UNC79: variants seen among roughly 807,000 people sequenced by gnomAD.
UNC79 encodes unc-79 subunit of NALCN channel complex.
In UNC79, 37 loss-of-function variants were observed where a neutral mutation model predicts 283.1. The observed-to-expected ratio is 0.13, with a 90% CI of 0.10 to 0.17. UNC79 has a LOEUF of 0.17. Among genes scored for constraint, UNC79 ranks in the 10% least tolerant of loss-of-function variants. The pLI is 1.00. For synonymous variants in UNC79, 1,107 were observed against 1,200.2 expected (o/e 0.92, Z 1.61); for missense variants, 2,272 against 3,211.1 (o/e 0.71, Z 7.07).
intron 5 of UNC79, among the ~76,000 whole-genome samples, chr14:93,494,492 C>T (rs2058925748): frequency 6.6e-6 from 1 of 152,156 alleles, no homozygotes. Flanking sequence ...ATCTTTGAGA[C>T]ACCTAATAGG....
chr14:93,650,428 A>T (rs1382791964), intron 35 of UNC79, among the ~76,000 whole-genome samples: 2 of 152,198 alleles, frequency 1.3e-5, no homozygotes, highest in African/African-American at 2.4e-5. Flanking sequence ...ATTACCAATC[A>T]TCAATGTATT....
intron 41 of UNC79, among the ~76,000 whole-genome samples, 185 bp downstream of exon 44, chr14:93,673,640 C>G (rs2073082589): frequency 6.6e-6 from 1 of 151,878 alleles, no homozygotes; most frequent in African/African-American, 2.4e-5. Flanking sequence ...CTAAAAAAGT[C>G]CAAGAAGGAG....
At chr14:93,419,473 C>A (rs1271728521) in intron 1 of UNC79, among the ~76,000 whole-genome samples, 2 of 151,558 alleles carry the variant, frequency 1.3e-5, no homozygotes, top group Admixed American at 1.3e-4. Flanking sequence ...AGCCCGTAAA[C>A]CACTCTTAAT....
At chr14:93,393,327 TA>T (rs1001518522) in intron 1 of UNC79, among the ~76,000 whole-genome samples, 3 of 152,224 alleles carry the variant, frequency 2.0e-5, no homozygotes, top group Non-Finnish European at 4.4e-5. Flanking sequence ...GTTCTTGAAT[TA>T]ATCTAAGACT....
chr14:93,608,129 G>A (rs1211586906), intron 26 of UNC79, among the ~76,000 whole-genome samples: 1 of 152,148 alleles, frequency 6.6e-6, no homozygotes, highest in African/African-American at 2.4e-5. Flanking sequence ...CGAGTAGCTT[G>A]GATCAGAGGT....
chr14:93,574,709 G>C (rs998097639), intron 16 of UNC79, among the ~76,000 whole-genome samples: 12 of 152,148 alleles, frequency 7.9e-5, no homozygotes, highest in African/African-American at 2.2e-4. Flanking sequence ...ATTGAGATCA[G>C]AGTGGGGATG....
chr14:93,381,994 A>G (rs1195261905), intron 1 of UNC79, among the ~76,000 whole-genome samples: 1 of 152,196 alleles, frequency 6.6e-6, no homozygotes, highest in Non-Finnish European at 1.5e-5. Context: ...AAGACCAACC[A>G]TGCTGCCTTT....
chr14:93,617,808 C>T lies in UNC79; in HGVS notation c.4225-384C>T, dbSNP rs540102998. Among the ~76,000 whole-genome samples, 3 of 152,072 alleles carry T rather than the reference C, an allele frequency of 2.0e-5. No homozygotes were observed. The highest frequency in any genetic ancestry group is 6.6e-5 in the Admixed American group (1 of 15,264). ...TGTAATCCCAGCACTTATGGGAGGC[C>T]GAGGTGGGTAGGTTGCCTGACTCCG... On this transcript the variant is annotated intron_variant, in intron 28 of 48. Transcript: ENST00000555664. The surrounding 1 kb of genome is among the most constrained non-coding windows in gnomAD (Gnocchi z 4.5).
In UNC79 at chr14:93,506,237, T is replaced by G. The variant is rs1302249297; in HGVS notation, c.898+8951T>G. ...TCATTGTATACAATTTTTTTTTTTT[T>G]TTGAGATGTAGTTTCGCTCTTGTCA... On this transcript the variant is annotated intron_variant, in intron 7 of 48. Transcript: ENST00000555664. Among the ~76,000 whole-genome samples, 2 of 151,936 alleles carry G rather than the reference T, an allele frequency of 1.3e-5. 1 individual carries two copies. Among genetic ancestry groups the G allele is most frequent in the Non-Finnish European group, 2.9e-5 (2 of 67,978 alleles).
At chr14:93,600,369 T>C (rs956609173) in intron 24 of UNC79, among the ~76,000 whole-genome samples, 200 bp from the exon 25 acceptor site, 1 of 152,204 alleles carries the variant, frequency 6.6e-6, no homozygotes, top group African/African-American at 2.4e-5. Context: ...ACAAGGAAGA[T>C]AAATTCCTCT....
At chr14:93,484,779 A>G (rs2058328316) in intron 4 of UNC79, among the ~76,000 whole-genome samples, 1 of 152,258 alleles carries the variant, frequency 6.6e-6, no homozygotes, top group African/African-American at 2.4e-5. Context: ...TTATTAAATT[A>G]GAATTGCAAT....
intron 14 of UNC79, among the ~76,000 whole-genome samples, chr14:93,555,926 T>G (rs1216561155): frequency 6.6e-6 from 1 of 152,078 alleles, no homozygotes; most frequent in Non-Finnish European, 1.5e-5. Flanking sequence ...CCCTTACATG[T>G]GGAGATTTCT....
intron 1 of UNC79, among the ~76,000 whole-genome samples, chr14:93,444,167 G>A (rs2056396645): frequency 6.6e-6 from 1 of 152,036 alleles, no homozygotes; most frequent in Admixed American, 6.6e-5. Flanking sequence ...GGTATCTTGT[G>A]GTTTTAATTA....
chr14:93,696,845 A>C (rs2075166661), intron 47 of UNC79, among the ~76,000 whole-genome samples: 1 of 152,206 alleles, frequency 6.6e-6, no homozygotes, highest in Admixed American at 6.5e-5. Flanking sequence ...TGCCTAGCCC[A>C]AAAATAATAA....
chr14:93,540,021 C>G (rs988172202), intron 12 of UNC79, among the ~76,000 whole-genome samples: 1 of 152,060 alleles, frequency 6.6e-6, no homozygotes, highest in Admixed American at 6.5e-5. Flanking sequence ...GGGTAGATGA[C>G]CAGATATCAA....
chr14:93,707,178 AG>A (rs1395410955), downstream of UNC79: 10 of 358,934 alleles, frequency 2.8e-5, no homozygotes, highest in Non-Finnish European at 4.5e-5. Context: ...ATTTTTTTTA[AG>A]AAAAAAAAAT....
intron 1 of UNC79, among the ~76,000 whole-genome samples, chr14:93,403,733 C>G (rs2055158299): frequency 6.6e-6 from 1 of 151,928 alleles, no homozygotes. Flanking sequence ...TTATCAACCA[C>G]AAGAAGAAGC....
chr14:93,421,947 A>G (rs1287338474), intron 1 of UNC79, among the ~76,000 whole-genome samples: 1 of 151,848 alleles, frequency 6.6e-6, no homozygotes, highest in Non-Finnish European at 1.5e-5. Context: ...AGCATTTGAT[A>G]AAATTCAACA....
exon 16 of UNC79, chr14:93,572,723 G>T (rs760928842): frequency 1.2e-6 from 2 of 1,614,114 alleles, no homozygotes; most frequent in Non-Finnish European, 1.7e-6. Context: ...TCTGTCCTCT[G>T]CCTTTCTCAA....
Sources: allele counts gnomAD v4.1 joint callset (sites outside exome capture counted in the v4.1 genomes callset), GRCh38; gene constraint gnomAD v4.1.1; non-coding constraint Gnocchi (gnomAD v3.1); transcripts MANE v1.5; gene names NCBI Gene and HGNC (gene_info 2026-07-23, HGNC 2026-07-21).